The following NBPF12 variants were observed in gnomAD, a reference collection of about 807,000 sequenced individuals.
NBPF12 encodes NBPF member 12, also known as NBPF family member NBPF12.
NBPF12 carries 115 observed loss-of-function variants against 146.4 expected under a neutral mutation model. The ratio of observed to expected loss-of-function variants is 0.79; its 90% CI spans 0.68 to 0.92. NBPF12 has a LOEUF of 0.92. NBPF12 is among the 40% of genes least tolerant of loss of function. The probability of loss-of-function intolerance (pLI) is 0.00; values close to 1 mark genes in which losing one functional copy is unlikely to be tolerated. For missense variants in NBPF12, 1,205 were observed against 1,326.8 expected, an observed-to-expected ratio of 0.91 and a Z score of 1.43; for synonymous variants, 385 against 508.9, an observed-to-expected ratio of 0.76 and a Z score of 3.28.
chr1:146,961,959 T>C (rs1324035831), intron 4 of NBPF12, among the ~76,000 whole-genome samples: 1 of 152,104 alleles, frequency 6.6e-6, no homozygotes, highest in Non-Finnish European at 1.5e-5. Context: ...CTTGAGTTTC[T>C]CTTTCTTCGT....
At chr1:146,939,733 A>C (rs1223726377) in intron 1 of NBPF12, among the ~76,000 whole-genome samples, 1 of 151,890 alleles carries the variant, frequency 6.6e-6, no homozygotes, top group Non-Finnish European at 1.5e-5. Context: ...CTTTCGAAAG[A>C]AGCACTTTAA....
At chr1:146,944,522 G>C (rs1302662062), upstream of NBPF12, among the ~76,000 whole-genome samples, 2 of 149,158 alleles carry the variant, frequency 1.3e-5, no homozygotes, top group Admixed American at 6.7e-5. Flanking sequence ...GGAAGGTTGC[G>C]GCCTGGTGTT....
exon 14 of NBPF12, chr1:146,972,868 T>G: frequency 1.6e-6 from 2 of 1,214,356 alleles, no homozygotes; most frequent in South Asian, 1.2e-5. Context: ...CGCCCCCAGC[T>G]GGCAGAGAAG....
chr1:146,975,173 C>T (rs1211554098), intron 15 of NBPF12, among the ~76,000 whole-genome samples: 5 of 137,138 alleles, frequency 3.6e-5, no homozygotes, highest in Non-Finnish European at 7.6e-5. Flanking sequence ...CCCACTTACC[C>T]TTAGTGAGAA....
rs1177896238 is a variant in NBPF12 at position 146,968,785 on chromosome 1, G to A, written c.1091+235G>A. On this transcript the variant is annotated intron_variant, in intron 10 of 33. Coordinates refer to ENST00000617844, the Ensembl canonical transcript of NBPF12. ...CTTTTTCAAACAAGTAATTGTTGAT[G>A]TGAAATTTACATAACACAAAATTAA... Among the ~76,000 whole-genome samples, 45 of 151,586 alleles carry A rather than the reference G, an allele frequency of 3.0e-4. 1 individual carries two copies. Among genetic ancestry groups the A allele is most frequent in the African/African-American group, 1.1e-3 (44 of 41,046 alleles).
chr1:146,966,883 G>A (rs1173208055), intron 9 of NBPF12, among the ~76,000 whole-genome samples: 18 of 149,220 alleles, frequency 1.2e-4, no homozygotes, highest in African/African-American at 4.3e-4. Flanking sequence ...GGTGGGGGTG[G>A]GACTAGAGTT....
intron 9 of NBPF12, among the ~76,000 whole-genome samples, chr1:146,967,516 A>G (rs1326858769): frequency 6.7e-6 from 1 of 149,698 alleles, no homozygotes; most frequent in African/African-American, 2.5e-5. Flanking sequence ...TAATAATGAT[A>G]AATAAAAATA....
At chr1:146,949,081 C>T (rs1159007445), upstream of NBPF12, among the ~76,000 whole-genome samples, 1 of 152,122 alleles carries the variant, frequency 6.6e-6, no homozygotes, top group Non-Finnish European at 1.5e-5. Context: ...ATCCCCCTCT[C>T]CGGAAACGCC....
At chr1:146,971,936 AAAT>A (rs1656654042) in intron 13 of NBPF12, among the ~76,000 whole-genome samples, 1 of 142,906 alleles carries the variant, frequency 7.0e-6, no homozygotes, top group South Asian at 2.2e-4. Context: ...AAAAAAAAAA[AAAT>A]TAGCTGGGCG....
intron 1 of NBPF12, among the ~76,000 whole-genome samples, chr1:146,939,222 C>T (rs1252641330): frequency 3.3e-4 from 50 of 152,120 alleles, no homozygotes; most frequent in Non-Finnish European, 6.8e-4. Flanking sequence ...AACTCCCTGG[C>T]GGGTGTTCTG....
At chr1:146,981,710 CT>C (rs1304231163) in intron 19 of NBPF12, among the ~76,000 whole-genome samples, 1 of 151,948 alleles carries the variant, frequency 6.6e-6, no homozygotes, top group Non-Finnish European at 1.5e-5. Flanking sequence ...TAGATTTGGT[CT>C]TTTCACATAG....
intron 2 of NBPF12, among the ~76,000 whole-genome samples, chr1:146,952,763 G>T (rs1655380313): frequency 6.7e-6 from 1 of 149,100 alleles, no homozygotes; most frequent in African/African-American, 2.5e-5. Context: ...TTCTAGTTAG[G>T]TTTAGCAATG....
intron 6 of NBPF12, 69 bp from the exon 10 acceptor site, chr1:146,964,288 C>G (rs1656050944): frequency 5.7e-6 from 9 of 1,589,312 alleles, no homozygotes; most frequent in Non-Finnish European, 7.8e-6. Flanking sequence ...TGTCTCTGTG[C>G]ACGTTGGGCT....
chr1:146,958,073 G>A (rs1655686175), intron 2 of NBPF12, among the ~76,000 whole-genome samples: 1 of 117,450 alleles, frequency 8.5e-6, no homozygotes, highest in Admixed American at 9.2e-5. Flanking sequence ...GTGCCATGTT[G>A]GTTTGCTGCA....
chr1:146,966,687 G>T lies in NBPF12; in HGVS notation c.988+14G>T. 4.0e-6 allele frequency: 5 copies of T among 1,260,452 alleles called. No individual in the cohort carries two copies. The highest frequency in any genetic ancestry group is 5.8e-6 in the Non-Finnish European group (5 of 859,642). The allele number at this position is 1,260,452 out of a possible 1,614,324, so 78.1% of individuals were successfully genotyped here. ...AGAACAAATACAGTAAGATCTACAG[G>T]CTCACCATCACGAAAGTGATGAACA... On this transcript the variant is annotated intron_variant, in intron 9 of 33. Transcript: ENST00000617844.
exon 8 of NBPF12, chr1:146,964,949 C>T (rs1656094373): frequency 7.5e-6 from 12 of 1,608,114 alleles, no homozygotes; most frequent in Middle Eastern, 2.1e-4. Context: ...GAGGAATGTG[C>T]CATCACTTGT....
At chr1:146,994,798 T>C in exon 34 of NBPF12, 1 of 818,700 alleles carries the variant, frequency 1.2e-6, no homozygotes, top group South Asian at 1.8e-5. Context: ...GTGCAGCACA[T>C]GCCGGGAGTG....
At chr1:146,948,778 T>C (rs1655185867), upstream of NBPF12, among the ~76,000 whole-genome samples, 1 of 151,128 alleles carries the variant, frequency 6.6e-6, no homozygotes. Flanking sequence ...GGAAGGCCTC[T>C]TTGCAGTTGA....
chr1:146,994,232 T>C, intron 33 of NBPF12, 100 bp from the exon 37 acceptor site: 1 of 1,607,940 alleles, frequency 6.2e-7, no homozygotes, highest in Non-Finnish European at 8.5e-7. Flanking sequence ...CTGTCCTTTT[T>C]CTTTTCTAAC....
Sources: gnomAD v4.1 joint callset for allele counts (sites outside exome capture counted in the v4.1 genomes callset) on GRCh38, gnomAD v4.1.1 for gene constraint, MANE v1.5 for transcripts, NCBI Gene and HGNC (gene_info 2026-07-23, HGNC 2026-07-21) for gene names.